Variants in DPP4 observed in about 807,000 individuals in gnomAD.
DPP4 encodes dipeptidyl peptidase 4, also known as ADCP-2.
A neutral mutation model predicts 122.4 loss-of-function variants in DPP4; 93 were observed. The observed-to-expected ratio is 0.76, with a 90% CI of 0.64 to 0.90. The LOEUF is 0.90. DPP4 is among the 40% of genes least tolerant of loss of function. DPP4 has a pLI of 0.00. For missense variants in DPP4, 914 were observed against 907.3 expected (o/e 1.01, Z -0.09); for synonymous variants, 321 against 302.9 (o/e 1.06, Z -0.62).
chr2:162,045,124 G>A (rs753431966), intron 5 of DPP4, among the ~76,000 whole-genome samples: 17 of 151,718 alleles, frequency 1.1e-4, no homozygotes, highest in Non-Finnish European at 2.1e-4. Context: ...CACCATGCCC[G>A]ACTTTAACTC....
chr2:162,009,129 A>G, intron 21 of DPP4, 112 bp downstream of exon 21: 1 of 1,113,602 alleles, frequency 9.0e-7, no homozygotes, highest in South Asian at 1.3e-5. Context: ...GAGACCTAAG[A>G]CTTGATAGAT....
At chr2:162,007,984 C>T (rs866599001) in intron 22 of DPP4, among the ~76,000 whole-genome samples, 4 of 152,042 alleles carry the variant, frequency 2.6e-5, no homozygotes, top group African/African-American at 9.7e-5. Flanking sequence ...CCCCCCTCCT[C>T]CCTCATCTTC....
At chr2:162,041,031 T>C (rs1488496258) in intron 5 of DPP4, among the ~76,000 whole-genome samples, 1 of 151,886 alleles carries the variant, frequency 6.6e-6, no homozygotes, top group Admixed American at 6.6e-5. Flanking sequence ...TTTATTTTTA[T>C]AGACCAAGCA....
In DPP4 at chr2:162,047,519, C is replaced by A. The variant is rs761783285; in HGVS notation, c.95-18G>T. 1.3e-6 allele frequency: 2 copies of A among 1,514,260 alleles called. No individual in the cohort carries two copies. The highest frequency in any genetic ancestry group is 2.3e-5 in the East Asian group (1 of 43,690). 93.8% of individuals were successfully genotyped at this position (1,514,260 alleles called of 1,614,324 possible). Reference sequence around the variant, plus strand: ...ATCATCTGCTGGTTGAAAGAAAGAGCCAAATGTTCATTTCAGTAAGATGGA... The same window carrying A: ...ATCATCTGCTGGTTGAAAGAAAGAGACAAATGTTCATTTCAGTAAGATGGA... On this transcript the variant is annotated intron_variant, in intron 2 of 25. Transcript: ENST00000360534.
intron 2 of DPP4, among the ~76,000 whole-genome samples, chr2:162,069,422 T>C (rs1377860743): frequency 1.3e-5 from 2 of 152,226 alleles, no homozygotes; most frequent in South Asian, 2.1e-4. Context: ...TCCAGTCTTT[T>C]TATATTGTCT....
chr2:162,000,197 TCTC>T (rs1701111145), intron 23 of DPP4, among the ~76,000 whole-genome samples: 1 of 152,084 alleles, frequency 6.6e-6, no homozygotes. Context: ...CTCTATGCAT[TCTC>T]CTACTTGTAA....
chr2:162,054,890 A>G (rs1020914700), intron 2 of DPP4, among the ~76,000 whole-genome samples: 4 of 152,230 alleles, frequency 2.6e-5, no homozygotes, highest in Non-Finnish European at 5.9e-5. Flanking sequence ...ATGATTAAAC[A>G]AGATAATGTA....
At chr2:162,025,010 T>C (rs1184848508) in intron 10 of DPP4, 71 bp from the exon 11 acceptor site, 20 of 1,538,594 alleles carry the variant, frequency 1.3e-5, no homozygotes, top group African/African-American at 2.7e-5. Context: ...TTGGTACAAA[T>C]AGACATTTTA....
chr2:162,039,870 A>T (rs995578837), intron 5 of DPP4, among the ~76,000 whole-genome samples: 13 of 152,072 alleles, frequency 8.5e-5, no homozygotes, highest in African/African-American at 3.1e-4. Flanking sequence ...AAATCAACAA[A>T]GCCAAAACTC....
intron 22 of DPP4, among the ~76,000 whole-genome samples, chr2:162,006,940 TCAA>T (rs1032042471): frequency 1.3e-5 from 2 of 152,080 alleles, no homozygotes; most frequent in African/African-American, 4.8e-5. Flanking sequence ...TTATCTAAAT[TCAA>T]CATTCTAACA....
intron 5 of DPP4, among the ~76,000 whole-genome samples, chr2:162,039,921 A>G (rs1332310768): frequency 1.3e-5 from 2 of 152,072 alleles, no homozygotes; most frequent in Non-Finnish European, 2.9e-5. Flanking sequence ...ACATAGTAAA[A>G]CTTAGGAGTA....
intron 11 of DPP4, 99 bp downstream of exon 11, chr2:162,024,705 A>C: frequency 8.2e-6 from 12 of 1,468,640 alleles, no homozygotes; most frequent in Non-Finnish European, 1.1e-5. Context: ...AGAGAAACTC[A>C]AACTTCATTT....
rs1559710965 is a variant in DPP4 at position 162,019,209 on chromosome 2, G to A, written c.1298+14C>T. On this transcript the variant is annotated intron_variant, in intron 15 of 25. Coordinates refer to ENST00000360534, the MANE Select transcript of DPP4 (RefSeq NM_001935.4). ...CTAAAATGACTCAAGTCAACAACTT[G>A]ACAGAGCTCTTACTTATAAAGATTC... The A allele has an allele frequency of 6.3e-6, 10 of 1,595,068 alleles. No homozygotes were observed. Among genetic ancestry groups the A allele is most frequent in the African/African-American group, 1.3e-5 (1 of 74,212 alleles).
chr2:162,016,524 C>T (rs1010028347), intron 18 of DPP4, among the ~76,000 whole-genome samples: 1 of 152,088 alleles, frequency 6.6e-6, no homozygotes, highest in Admixed American at 6.5e-5. Context: ...AGTGAACTAA[C>T]GATAGAGCAT....
intron 8 of DPP4, among the ~76,000 whole-genome samples, chr2:162,036,057 AT>A: frequency 6.6e-6 from 1 of 152,226 alleles, no homozygotes; most frequent in Non-Finnish European, 1.5e-5. Flanking sequence ...CTTCCCTATG[AT>A]TATTATGGGG....
At chr2:162,055,943 C>G (rs75326753) in intron 2 of DPP4, among the ~76,000 whole-genome samples, 3 of 152,246 alleles carry the variant, frequency 2.0e-5, no homozygotes, top group Admixed American at 6.5e-5. Context: ...TCCATCCACA[C>G]TGGCCACCCA....
chr2:162,054,853 G>A (rs1204886836), intron 2 of DPP4, among the ~76,000 whole-genome samples: 1 of 152,130 alleles, frequency 6.6e-6, no homozygotes, highest in African/African-American at 2.4e-5. Context: ...TCTATAACAT[G>A]AGACTAATAG....
chr2:162,028,279 T>C (rs1309944194), intron 10 of DPP4, among the ~76,000 whole-genome samples: 2 of 152,030 alleles, frequency 1.3e-5, no homozygotes, highest in Non-Finnish European at 2.9e-5. Flanking sequence ...GGAGAACTAA[T>C]TGAACCGGGC....
At chr2:162,015,659 C>T (rs1052420836) in intron 18 of DPP4, among the ~76,000 whole-genome samples, 2 of 152,122 alleles carry the variant, frequency 1.3e-5, no homozygotes, top group Non-Finnish European at 2.9e-5. Flanking sequence ...CCTTTCTGTA[C>T]TTTGAATGGC....
Sources: allele counts gnomAD v4.1 joint callset (sites outside exome capture counted in the v4.1 genomes callset), GRCh38; gene constraint gnomAD v4.1.1; transcripts MANE v1.5; gene names NCBI Gene and HGNC (gene_info 2026-07-23, HGNC 2026-07-21).